KLF12: variants seen among roughly 807,000 people sequenced by gnomAD.
KLF12 encodes KLF transcription factor 12.
A neutral mutation model predicts 37.8 loss-of-function variants in KLF12; 9 were observed. The ratio of observed to expected loss-of-function variants is 0.24; its 90% CI spans 0.14 to 0.42. KLF12 has a LOEUF of 0.42. Among genes scored for constraint, KLF12 ranks in the 10% least tolerant of loss-of-function variants. The pLI, the probability that KLF12 is intolerant of heterozygous loss-of-function variation, is 1.00. For missense variants in KLF12, 411 were observed against 516.0 expected (o/e 0.80, Z 1.97); for synonymous variants, 208 against 202.1 (o/e 1.03, Z -0.25).
intron 2 of KLF12, among the ~76,000 whole-genome samples, chr13:73,959,553 T>C (rs572667732): frequency 5.9e-5 from 9 of 151,272 alleles, no homozygotes; most frequent in Non-Finnish European, 1.0e-4. Context: ...TGAAGTCTAC[T>C]AGTAGATAAG....
At chr13:73,757,854 G>T (rs116257533) in intron 6 of KLF12, among the ~76,000 whole-genome samples, 2,815 of 152,144 alleles carry the variant, frequency 0.019, 102 homozygotes, top group African/African-American at 0.064. Context: ...GATGAAGAAA[G>T]GATGTGGCTT....
At chr13:74,182,987 T>A in the KLF12 span, among the ~76,000 whole-genome samples, 1 of 152,206 alleles carries the variant, frequency 6.6e-6, no homozygotes, top group Non-Finnish European at 1.5e-5. Flanking sequence ...GTGAGACTAG[T>A]ATTTCTTGGA....
chr13:74,152,265 T>C, the KLF12 span, among the ~76,000 whole-genome samples: 1 of 152,236 alleles, frequency 6.6e-6, no homozygotes. Flanking sequence ...TTTCTCATTA[T>C]TAATTATTTG....
chr13:73,702,493 C>T (rs143457311), intron 7 of KLF12, among the ~76,000 whole-genome samples: 10 of 152,230 alleles, frequency 6.6e-5, no homozygotes, highest in South Asian at 2.1e-4. Context: ...GTGTGAGCAA[C>T]GCACATAAGA....
chr13:74,024,803 G>A (rs1472050156), intron 1 of KLF12, among the ~76,000 whole-genome samples: 1 of 152,076 alleles, frequency 6.6e-6, no homozygotes, highest in Non-Finnish European at 1.5e-5. Flanking sequence ...AGGAAATTAG[G>A]AGAAACTCCA....
At chr13:73,738,527 C>CTG (rs200572105) in intron 6 of KLF12, among the ~76,000 whole-genome samples, 1,900 of 152,138 alleles carry the variant, frequency 0.012, 16 homozygotes, top group South Asian at 0.048. Flanking sequence ...GTAAAAGACA[C>CTG]TGTCTCTGAT....
intron 4 of KLF12, among the ~76,000 whole-genome samples, chr13:73,836,167 A>C (rs1884423995): frequency 6.6e-6 from 1 of 152,210 alleles, no homozygotes. Context: ...CACCCAGTAA[A>C]TTGGTAGCTC....
chr13:73,902,890 T>G (rs1888101317), intron 3 of KLF12, among the ~76,000 whole-genome samples: 1 of 152,180 alleles, frequency 6.6e-6, no homozygotes, highest in South Asian at 2.1e-4. Context: ...TAAAAAAAAT[T>G]CTGTCCAGCA....
At chr13:73,876,857 A>G (rs1452921459) in intron 3 of KLF12, among the ~76,000 whole-genome samples, 2 of 152,024 alleles carry the variant, frequency 1.3e-5, no homozygotes. Context: ...TCCACTAAAA[A>G]TACAAAAATT....
At chr13:73,768,775 T>C (rs1018061487) in intron 5 of KLF12, among the ~76,000 whole-genome samples, 3 of 152,152 alleles carry the variant, frequency 2.0e-5, no homozygotes, top group Non-Finnish European at 2.9e-5. Flanking sequence ...TTTGAGAAAA[T>C]AGGCTTAGAA....
intron 1 of KLF12, among the ~76,000 whole-genome samples, chr13:74,038,983 C>A (rs1893329326): frequency 6.6e-6 from 1 of 151,652 alleles, no homozygotes. Flanking sequence ...CTCGAATAGC[C>A]ATTACTATTT....
At chr13:73,700,642 G>C (rs1013839960) in intron 7 of KLF12, among the ~76,000 whole-genome samples, 1 of 151,984 alleles carries the variant, frequency 6.6e-6, no homozygotes, top group African/African-American at 2.4e-5. Flanking sequence ...TGAGTTATGG[G>C]GGTAGGGGAA....
chr13:73,809,463 G>A (rs1226849016), intron 5 of KLF12, among the ~76,000 whole-genome samples: 1 of 102,102 alleles, frequency 9.8e-6, no homozygotes, highest in Non-Finnish European at 2.1e-5. Flanking sequence ...AGAGAAGTTC[G>A]CAATTGTGCA....
At chr13:74,081,499 C>A (rs1418007693) in intron 1 of KLF12, among the ~76,000 whole-genome samples, 1 of 152,046 alleles carries the variant, frequency 6.6e-6, no homozygotes, top group Non-Finnish European at 1.5e-5. Context: ...ACATTTTTTT[C>A]TATGTCCTTT....
intron 7 of KLF12, among the ~76,000 whole-genome samples, chr13:73,711,334 T>C (rs891568729): frequency 6.6e-6 from 1 of 152,188 alleles, no homozygotes; most frequent in African/African-American, 2.4e-5. Context: ...TACCCTCCTA[T>C]TGAAAGATGT....
At chr13:74,120,724 A>G (rs968472579) in intron 1 of KLF12, among the ~76,000 whole-genome samples, 21 of 152,130 alleles carry the variant, frequency 1.4e-4, no homozygotes, top group African/African-American at 4.3e-4. Context: ...TAAGTAAAAT[A>G]TATGAAGAAA....
At chr13:74,235,145 T>C in the KLF12 span, among the ~76,000 whole-genome samples, 3 of 152,222 alleles carry the variant, frequency 2.0e-5, no homozygotes, top group African/African-American at 7.2e-5. Context: ...TTGAGGGTCA[T>C]AGATGATGTT....
chr13:74,031,359 C>G (rs980872748), intron 1 of KLF12, among the ~76,000 whole-genome samples: 1 of 152,076 alleles, frequency 6.6e-6, no homozygotes, highest in Non-Finnish European at 1.5e-5. Context: ...CAACAATATG[C>G]TATATGTTGA....
chr13:73,954,014 T>C (rs1890743218), intron 2 of KLF12, among the ~76,000 whole-genome samples: 1 of 128,362 alleles, frequency 7.8e-6, no homozygotes, highest in Non-Finnish European at 1.6e-5. Context: ...AGTCTCACTC[T>C]GTTGCCCAGG....
Sources: gnomAD v4.1 joint callset for allele counts (sites outside exome capture counted in the v4.1 genomes callset) on GRCh38, gnomAD v4.1.1 for gene constraint, MANE v1.5 for transcripts, NCBI Gene and HGNC (gene_info 2026-07-23, HGNC 2026-07-21) for gene names.